The following CCR6 variants were observed in gnomAD, a reference collection of about 807,000 sequenced individuals.
CCR6 encodes C-C motif chemokine receptor 6.
Under a neutral mutation model 3.0 loss-of-function variants are expected in CCR6, and 2 were observed. The ratio of observed to expected loss-of-function variants is 0.66; its 90% confidence interval spans 0.27 to 2.07. The LOEUF (loss-of-function observed/expected upper bound fraction) is 2.07, where lower values mean the gene tolerates loss of function less well. CCR6 is among the 30% of genes most tolerant of loss of function. The pLI, the probability that CCR6 is intolerant of heterozygous loss-of-function variation, is 0.14. For missense variants in CCR6, 322 were observed against 462.8 expected, an observed-to-expected ratio of 0.70 and a Z score of 2.79; for synonymous variants, 193 against 184.3, an observed-to-expected ratio of 1.05 and a Z score of -0.38.
Position 167,137,470 on chromosome 6 carries a change from G to A in CCR6, c.*115G>A. On this transcript the variant is annotated 3_prime_UTR_variant, in exon 3 of 3. Transcript: ENST00000341935. The surrounding 1 kb of genome is among the most constrained non-coding windows in gnomAD (Gnocchi z 4.6). ...GTGGGAATTAAGCAAAATCAAGCAA[G>A]CCTCTCTCCTGCGGGACTTAACGTG... The A allele has an allele frequency of 3.0e-6, 3 of 1,014,980 alleles. No homozygotes were observed. The highest frequency in any genetic ancestry group is 2.5e-5 in the East Asian group (1 of 39,742). The allele number at this position is 1,014,980 out of a possible 1,614,324, so 62.9% of individuals were successfully genotyped here. A position where few individuals can be genotyped will look rare whatever the true frequency, so the allele number is the denominator to read the frequency against.
At chr6:167,134,286 G>A (rs890917395) in intron 1 of CCR6, among the ~76,000 whole-genome samples, 7 of 152,104 alleles carry the variant, frequency 4.6e-5, no homozygotes, top group Admixed American at 4.6e-4. Context: ...TCTTCTGATT[G>A]ATACGATTAC....
At chr6:167,124,799 G>GCGCA (rs150805974) in intron 1 of CCR6, among the ~76,000 whole-genome samples, 124 of 150,526 alleles carry the variant, frequency 8.2e-4, no homozygotes, top group African/African-American at 2.9e-3. Flanking sequence ...GCATATGCGC[G>GCGCA]CACACACACA....
At chr6:167,122,052 C>T (rs1261866862), upstream of CCR6, among the ~76,000 whole-genome samples, 2 of 152,076 alleles carry the variant, frequency 1.3e-5, no homozygotes, top group African/African-American at 4.8e-5. The surrounding 1 kb of genome is among the most constrained non-coding windows in gnomAD (Gnocchi z 4.2). Context: ...CTCAGGCTCA[C>T]TCAGGCGTGA....
intron 1 of CCR6, among the ~76,000 whole-genome samples, chr6:167,128,699 G>A (rs1283934023): frequency 2.0e-5 from 3 of 152,176 alleles, no homozygotes; most frequent in Non-Finnish European, 4.4e-5. Flanking sequence ...AGCCTCTTGA[G>A]TAGCTGGGAT....
At chr6:167,125,078 A>T (rs1781650549) in intron 1 of CCR6, among the ~76,000 whole-genome samples, 1 of 152,006 alleles carries the variant, frequency 6.6e-6, no homozygotes. Context: ...GCACACATGC[A>T]CACATGCCTA....
intron 1 of CCR6, chr6:167,116,749 AGAG>A (rs1781498806): frequency 6.6e-6 from 1 of 152,214 alleles, no homozygotes; most frequent in Admixed American, 6.5e-5. Flanking sequence ...TAACCATTGC[AGAG>A]GAGAAGGGCG....
chr6:167,124,264 T>C (rs1428804285), intron 1 of CCR6, among the ~76,000 whole-genome samples: 1 of 68,730 alleles, frequency 1.5e-5, no homozygotes, highest in Non-Finnish European at 2.6e-5. Context: ...TTAAAGGAAC[T>C]GAAAAAAAAA....
At chr6:167,119,546 T>A (rs1255451977), upstream of CCR6, among the ~76,000 whole-genome samples, 1 of 152,166 alleles carries the variant, frequency 6.6e-6, no homozygotes, top group Non-Finnish European at 1.5e-5. Context: ...GGGAGAGTAA[T>A]TTTCAGGCCA....
chr6:167,114,914 G>A (rs545850682), intron 1 of CCR6: 1 of 152,330 alleles, frequency 6.6e-6, no homozygotes, highest in South Asian at 2.1e-4. Flanking sequence ...TTATCCAATG[G>A]CAAGATCATT....
intron 1 of CCR6, chr6:167,126,785 G>A (rs1311605661): frequency 6.6e-6 from 1 of 152,212 alleles, no homozygotes; most frequent in African/African-American, 2.4e-5. Context: ...TGAATCATGG[G>A]GCAGTATCCT....
Position 167,138,304 on chromosome 6 carries a change from A to T in CCR6, c.*949A>T, listed in dbSNP as rs973261402. On this transcript the variant is annotated 3_prime_UTR_variant, in exon 3 of 3. Coordinates refer to ENST00000341935, the MANE Select transcript of CCR6 (RefSeq NM_031409.4). ...TGTTTTTAATTTTTTAAATAAATGG[A>T]ATACTTTTTTTTTTTTTTTAAAGAA... The T allele has an allele frequency of 1.8e-5, 2 of 112,152 alleles. No homozygotes were observed. The highest frequency in any genetic ancestry group is 3.6e-5 in the Non-Finnish European group (2 of 54,850). 6.9% of individuals were successfully genotyped at this position (112,152 alleles called of 1,614,324 possible).
In CCR6 at chr6:167,136,350, G is replaced by A; in HGVS notation, c.120G>A (p.Glu40=). 6.2e-7 allele frequency: 1 copy of A among 1,614,170 alleles called. No individual in the cohort carries two copies. The highest frequency in any genetic ancestry group is 1.6e-4 in the Middle Eastern group (1 of 6,062). Residue 40 remains glutamate (E), a synonymous_variant, in exon 3 of 3, where the codon GAG becomes GAA. Transcript: ENST00000341935. The surrounding 1 kb of genome is among the most constrained non-coding windows in gnomAD (Gnocchi z 4.6). ...AGATGTTACTGTGCTCCTTGCAGGA[G>A]GTCAGGCAGTTCTCCAGGCTATTTG... The part of the protein sequence containing the change: ...DSEMLLCSLQ[E]VRQFSRLFVP...
At chr6:167,134,965 C>A (rs1372873322) in intron 1 of CCR6, 2 of 152,232 alleles carry the variant, frequency 1.3e-5, no homozygotes, top group East Asian at 3.9e-4. Context: ...CAAAGCCCTT[C>A]GTCCTCAGGC....
intron 1 of CCR6, among the ~76,000 whole-genome samples, chr6:167,113,507 A>G (rs1188937323): frequency 6.6e-6 from 1 of 152,204 alleles, no homozygotes; most frequent in Non-Finnish European, 1.5e-5. Flanking sequence ...TGTAGTTCCA[A>G]GTATTGGAAG....
At position 167,138,252 on chromosome 6, in the gene CCR6, G is replaced by A. The variant is rs1481101386; in HGVS notation, c.*897G>A. 1.3e-5 allele frequency: 2 copies of A among 151,934 alleles called. No individual in the cohort carries two copies. Among genetic ancestry groups the A allele is most frequent in the Non-Finnish European group, 2.9e-5 (2 of 67,984 alleles). 9.4% of individuals were successfully genotyped at this position (151,934 alleles called of 1,614,324 possible). ...ATTAATGAATCGTAATGAAGTTGGG[G>A]TTTATTGTACAGTTTAAAATGTTAG... On this transcript the variant is annotated 3_prime_UTR_variant, in exon 3 of 3. Coordinates refer to ENST00000341935, the MANE Select transcript of CCR6 (RefSeq NM_031409.4).
At chr6:167,123,957 C>T (rs948714775) in intron 1 of CCR6, among the ~76,000 whole-genome samples, 5 of 152,020 alleles carry the variant, frequency 3.3e-5, no homozygotes, top group African/African-American at 1.2e-4. Flanking sequence ...ACTAAAAATA[C>T]AAAAATTAGC....
In CCR6 at chr6:167,137,216, A is replaced by G. The variant is rs1348700379; in HGVS notation, c.986A>G (p.Lys329Arg). ...CAGAAGTTCAGAAACTACTTTCTGA[A>G]GATCTTGAAGGACCTGTGGTGTGTG... The part of the protein sequence containing the change: ...IGQKFRNYFL[K>R]ILKDLWCVRR... Residue 329 changes from lysine to arginine, a missense_variant, in exon 3 of 3, where the codon AAG becomes AGG. Coordinates refer to ENST00000341935, the MANE Select transcript of CCR6 (RefSeq NM_031409.4). The surrounding 1 kb of genome is among the most constrained non-coding windows in gnomAD (Gnocchi z 4.6). 1.2e-6 allele frequency: 2 copies of G among 1,614,232 alleles called. No individual in the cohort carries two copies. Among genetic ancestry groups the G allele is most frequent in the Admixed American group, 3.3e-5 (2 of 60,018 alleles).
At chr6:167,127,851 C>T (rs1042927099) in intron 1 of CCR6, among the ~76,000 whole-genome samples, 2 of 152,218 alleles carry the variant, frequency 1.3e-5, no homozygotes, top group Non-Finnish European at 2.9e-5. Flanking sequence ...CTAGTAAGTA[C>T]TATTTGCATG....
chr6:167,121,966 T>C (rs772471359), upstream of CCR6, among the ~76,000 whole-genome samples: 2 of 152,042 alleles, frequency 1.3e-5, no homozygotes, highest in African/African-American at 2.4e-5. Context: ...AAATGGCCAG[T>C]GGGGTTGAGC....
Sources: gnomAD v4.1 joint callset for allele counts (sites outside exome capture counted in the v4.1 genomes callset) on GRCh38, gnomAD v4.1.1 for gene constraint, Gnocchi (gnomAD v3.1) non-coding constraint, MANE v1.5 for transcripts, NCBI Gene and HGNC (gene_info 2026-07-23, HGNC 2026-07-21) for gene names.